NEDD4L: variants seen among roughly 807,000 people sequenced by gnomAD.
NEDD4L encodes the protein NEDD4 like E3 ubiquitin protein ligase.
Under a neutral mutation model 148.9 loss-of-function variants are expected in NEDD4L, and 54 were observed. The ratio of observed to expected loss-of-function variants is 0.36; its 90% CI spans 0.29 to 0.45. The LOEUF is 0.45. Among genes scored for constraint, NEDD4L ranks in the 20% least tolerant of loss-of-function variants. The probability of loss-of-function intolerance (pLI) is 1.00; values close to 1 mark genes in which losing one functional copy is unlikely to be tolerated. For synonymous variants in NEDD4L, 433 were observed against 440.7 expected (o/e 0.98, Z 0.22); for missense variants, 856 against 1,233.8 (o/e 0.69, Z 4.59).
intron 1 of NEDD4L, among the ~76,000 whole-genome samples, chr18:58,082,248 C>T (rs1442464141): frequency 1.3e-5 from 2 of 148,608 alleles, no homozygotes; most frequent in African/African-American, 4.9e-5. Flanking sequence ...GCTGGGATTA[C>T]AGGAGCCTGC....
chr18:58,398,874 C>G lies in NEDD4L; in HGVS notation c.*2605C>G, dbSNP rs2050658449. On this transcript the variant is annotated 3_prime_UTR_variant, in exon 31 of 31. Coordinates refer to ENST00000400345, the MANE Select transcript of NEDD4L (RefSeq NM_001144967.3). The stretch of plus-strand genomic sequence containing the variant: ...TGCTGGGTCATTCCTTGGGCCCCGA[C>G]CTGCCCGGGGAGTAGCCCTGGGGGA... 6.6e-6 allele frequency: 1 copy of G among 152,236 alleles called. No homozygotes were observed. Among genetic ancestry groups the G allele is most frequent in the Non-Finnish European group, 1.5e-5 (1 of 68,084 alleles). The allele number at this position is 152,236 out of a possible 1,614,324, so 9.4% of individuals were successfully genotyped here.
rs751511298 is a variant in NEDD4L at position 58,396,693 on chromosome 18, A to G, written c.*424A>G. The stretch of plus-strand genomic sequence containing the variant: ...ATTTCGTTATGATTAAAGATGTCTC[A>G]TGTACTTGGAAAAGTGAGCATTTTT... On this transcript the variant is annotated 3_prime_UTR_variant, in exon 31 of 31. Coordinates refer to ENST00000400345, the MANE Select transcript of NEDD4L (RefSeq NM_001144967.3). 6.8e-6 allele frequency: 1 copy of G among 146,406 alleles called. No individual in the cohort carries two copies. The highest frequency in any genetic ancestry group is 7.0e-5 in the Admixed American group (1 of 14,248). The allele number at this position is 146,406 out of a possible 1,614,324, so 9.1% of individuals were successfully genotyped here.
At chr18:58,058,858 T>A (rs2082201839) in intron 1 of NEDD4L, among the ~76,000 whole-genome samples, 1 of 152,288 alleles carries the variant, frequency 6.6e-6, no homozygotes, top group South Asian at 2.1e-4. Flanking sequence ...GATTGTTGGT[T>A]TATGTGTCTG....
chr18:58,236,057 A>G (rs1334824609), intron 2 of NEDD4L, among the ~76,000 whole-genome samples: 4 of 151,474 alleles, frequency 2.6e-5, no homozygotes, highest in Admixed American at 2.6e-4. Flanking sequence ...ATTAAAATAA[A>G]AATAAACATA....
rs2035086239 is a variant in NEDD4L at position 58,153,682 on chromosome 18, T to C, written c.49-12106T>C. On this transcript the variant is annotated intron_variant, in intron 1 of 30. Transcript: ENST00000400345. ...TTTTTTTTGAGATGGAGTCTCGCTCTGTCCCCCAGGCTGGAGTGCCGTGGC... is the reference window on the plus strand; with the variant it reads ...TTTTTTTTGAGATGGAGTCTCGCTCCGTCCCCCAGGCTGGAGTGCCGTGGC... Among the ~76,000 whole-genome samples the C allele has an allele frequency of 2.6e-5, 4 of 152,004 alleles. No homozygotes were observed. The South Asian group carries it at 8.3e-4, about 32-fold the overall frequency.
intron 1 of NEDD4L, among the ~76,000 whole-genome samples, chr18:58,059,393 TC>T (rs150095560): frequency 6.6e-6 from 1 of 151,934 alleles, no homozygotes; most frequent in Admixed American, 6.6e-5. Flanking sequence ...ATACCATATT[TC>T]CCCCCCAGAG....
At chr18:58,160,945 C>T (rs187274414) in intron 1 of NEDD4L, among the ~76,000 whole-genome samples, 2 of 152,288 alleles carry the variant, frequency 1.3e-5, no homozygotes, top group East Asian at 1.9e-4. Context: ...AACCCCTTCA[C>T]GTCTTCCGTA....
At chr18:58,385,987 C>A (rs2048960980) in intron 26 of NEDD4L, among the ~76,000 whole-genome samples, 1 of 151,968 alleles carries the variant, frequency 6.6e-6, no homozygotes, top group East Asian at 1.9e-4. Flanking sequence ...GAAGCGCAGT[C>A]CCCAAAGTGC....
At chr18:58,368,767 C>A (rs1295163452) in intron 22 of NEDD4L, among the ~76,000 whole-genome samples, 1 of 152,144 alleles carries the variant, frequency 6.6e-6, no homozygotes, top group Non-Finnish European at 1.5e-5. Context: ...TATTTGGTAG[C>A]AGGGCGACAG....
chr18:58,153,334 CTTTTTT>C (rs58164854), intron 1 of NEDD4L, among the ~76,000 whole-genome samples: 1 of 128,160 alleles, frequency 7.8e-6, no homozygotes. Context: ...AAGAGATTGA[CTTTTTT>C]TTTTTTTTTT....
Position 58,180,315 on chromosome 18 carries a change from G to A in NEDD4L, c.122+14454G>A, listed in dbSNP as rs534294984. On this transcript the variant is annotated intron_variant, in intron 2 of 30. Coordinates refer to ENST00000400345, the MANE Select transcript of NEDD4L (RefSeq NM_001144967.3). Reference sequence around the variant, plus strand: ...TGCTGCTGATCTGTCTGTGTGACCCGGGTGCACAGTCCTTGGCTCTGTGCC... The same window carrying A: ...TGCTGCTGATCTGTCTGTGTGACCCAGGTGCACAGTCCTTGGCTCTGTGCC... Among the ~76,000 whole-genome samples the A allele has an allele frequency of 3.0e-4, 45 of 152,214 alleles. 1 individual carries two copies. The South Asian group carries it at 7.9e-3, about 27-fold the overall frequency.
At chr18:58,250,401 G>A (rs538631345) in intron 4 of NEDD4L, among the ~76,000 whole-genome samples, 1 of 152,232 alleles carries the variant, frequency 6.6e-6, no homozygotes, top group South Asian at 2.1e-4. Flanking sequence ...GCCCGCCTTG[G>A]CCTCCCAAAG....
At chr18:58,387,623 A>C in intron 27 of NEDD4L, 125 bp downstream of exon 27, 1 of 1,094,400 alleles carries the variant, frequency 9.1e-7, no homozygotes, top group Admixed American at 3.5e-5. Context: ...GATGAATTAT[A>C]TTACATGTCT....
intron 2 of NEDD4L, among the ~76,000 whole-genome samples, chr18:58,192,503 G>C (rs531656233): frequency 6.6e-6 from 1 of 152,304 alleles, no homozygotes; most frequent in East Asian, 1.9e-4. Flanking sequence ...TTAGTTCTCA[G>C]GTCTCCTGAC....
intron 5 of NEDD4L, among the ~76,000 whole-genome samples, chr18:58,284,102 C>T (rs545754777): frequency 1.3e-5 from 2 of 152,192 alleles, no homozygotes; most frequent in Non-Finnish European, 2.9e-5. Flanking sequence ...TCTTGGACTT[C>T]CAGCCTCCAG....
intron 5 of NEDD4L, among the ~76,000 whole-genome samples, chr18:58,266,164 A>T (rs1396652826): frequency 6.6e-6 from 1 of 152,076 alleles, no homozygotes; most frequent in Non-Finnish European, 1.5e-5. Flanking sequence ...ACCATTTGAA[A>T]AAATTATAAT....
chr18:58,062,214 G>T (rs1320444099), intron 1 of NEDD4L, among the ~76,000 whole-genome samples: 2 of 152,062 alleles, frequency 1.3e-5, no homozygotes, highest in Non-Finnish European at 2.9e-5. Flanking sequence ...TTTTTTGCTT[G>T]ATCACCCAGT....
intron 1 of NEDD4L, among the ~76,000 whole-genome samples, chr18:58,156,481 C>T (rs1359628383): frequency 6.6e-6 from 1 of 152,196 alleles, no homozygotes; most frequent in Non-Finnish European, 1.5e-5. Context: ...GTTGTGTGAT[C>T]TTGTGCAGTT....
At position 58,338,170 on chromosome 18, in the gene NEDD4L, A is replaced by G. The variant is rs191648700; in HGVS notation, c.1125+2633A>G. Reference sequence around the variant, plus strand: ...TAGCTAATGGCTTTTGGGCATCACAAAGCAGTAGTGTATTCAGTCTATGAT... The same window carrying G: ...TAGCTAATGGCTTTTGGGCATCACAGAGCAGTAGTGTATTCAGTCTATGAT... On this transcript the variant is annotated intron_variant, in intron 13 of 30. Coordinates refer to ENST00000400345, the MANE Select transcript of NEDD4L (RefSeq NM_001144967.3). Among the ~76,000 whole-genome samples, 412 of 152,368 alleles carry G rather than the reference A, an allele frequency of 2.7e-3. 2 individuals carry two copies. Among genetic ancestry groups the G allele is most frequent in the Middle Eastern group, 0.01 (3 of 294 alleles).
Sources: allele counts gnomAD v4.1 joint callset (sites outside exome capture counted in the v4.1 genomes callset), GRCh38; gene constraint gnomAD v4.1.1; transcripts MANE v1.5; gene names NCBI Gene and HGNC (gene_info 2026-07-23, HGNC 2026-07-21).